The following ENPEP variants were observed in gnomAD, a reference collection of about 807,000 sequenced individuals.
ENPEP encodes glutamyl aminopeptidase, also known as AP-A.
A neutral mutation model predicts 114.5 loss-of-function variants in ENPEP; 103 were observed. The observed-to-expected ratio is 0.90, with a 90% CI of 0.77 to 1.06. The LOEUF is 1.06. Ranked by LOEUF, ENPEP falls within the 50% of genes least tolerant of loss-of-function variation. ENPEP has a pLI of 0.00. For synonymous variants in ENPEP, 420 were observed against 422.0 expected, an observed-to-expected ratio of 1.00 and a Z score of 0.06; for missense variants, 1,196 against 1,161.3, an observed-to-expected ratio of 1.03 and a Z score of -0.43.
chr4:110,520,256 C>T lies in ENPEP; in HGVS notation c.1617C>T (p.Thr539=), dbSNP rs1433528201. The part of the protein sequence containing the change: ...LPVKEVMDTW[T]RQMGYPVLNV... ...TGAAAGAAGTAATGGACACCTGGAC[C>T]AGACAGATGGGTTATCCTGTGCTTA... Residue 539 remains threonine, a synonymous_variant, in exon 10 of 20, where the codon ACC becomes ACT. Transcript: ENST00000265162. The T allele has an allele frequency of 6.2e-7, 1 of 1,613,972 alleles. No homozygotes were observed. The highest frequency in any genetic ancestry group is 8.5e-7 in the Non-Finnish European group (1 of 1,179,922).
At chr4:110,521,603 A>T (rs1725992683) in intron 10 of ENPEP, among the ~76,000 whole-genome samples, 1 of 152,022 alleles carries the variant, frequency 6.6e-6, no homozygotes. Flanking sequence ...TAAGATGCAT[A>T]ATTAAGGAAA....
intron 19 of ENPEP, among the ~76,000 whole-genome samples, chr4:110,560,224 GA>G (rs1480691691): frequency 6.6e-6 from 1 of 152,110 alleles, no homozygotes; most frequent in African/African-American, 2.4e-5. Context: ...CCAAGTCTTT[GA>G]TATTGTAAAC....
At chr4:110,496,406 A>G (rs1026549657) in intron 3 of ENPEP, among the ~76,000 whole-genome samples, 4 of 152,226 alleles carry the variant, frequency 2.6e-5, no homozygotes, top group Admixed American at 6.5e-5. Context: ...AAGACACAAG[A>G]GTCTCCATGT....
chr4:110,534,015 A>G (rs1326592552), intron 11 of ENPEP, among the ~76,000 whole-genome samples: 1 of 152,196 alleles, frequency 6.6e-6, no homozygotes, highest in Non-Finnish European at 1.5e-5. Flanking sequence ...TTTCTACTTC[A>G]AAGTGTCTGC....
intron 11 of ENPEP, among the ~76,000 whole-genome samples, chr4:110,532,378 T>G (rs1726439947): frequency 2.0e-5 from 3 of 152,234 alleles, no homozygotes; most frequent in Non-Finnish European, 4.4e-5. Context: ...ATTTTGTGAC[T>G]TTTCAATTAG....
intron 6 of ENPEP, among the ~76,000 whole-genome samples, chr4:110,510,870 C>A (rs1489637024): frequency 3.3e-5 from 5 of 152,154 alleles, no homozygotes; most frequent in Admixed American, 6.5e-5. Context: ...TACATAATAT[C>A]TGAGTCCATT....
At chr4:110,548,570 G>A (rs186360162) in intron 14 of ENPEP, among the ~76,000 whole-genome samples, 1 of 151,942 alleles carries the variant, frequency 6.6e-6, no homozygotes, top group Non-Finnish European at 1.5e-5. Context: ...AGTGTTAGAA[G>A]AAATACAACA....
At chr4:110,530,871 A>G (rs985818390) in intron 10 of ENPEP, among the ~76,000 whole-genome samples, 1 of 152,228 alleles carries the variant, frequency 6.6e-6, no homozygotes. Flanking sequence ...TGAATGTTCA[A>G]TATTATAATA....
chr4:110,477,027 A>G lies in ENPEP; in HGVS notation c.613A>G (p.Arg205Gly), dbSNP rs551997283. The G allele has an allele frequency of 2.5e-6, 4 of 1,614,188 alleles. No individual in the cohort carries two copies. The South Asian group carries it at 4.4e-5, about 18-fold the overall frequency. The change falls in exon 1 of 20, where the codon AGA (arginine) becomes GGA (glycine). Residue 205 changes from arginine (R) to glycine (G), a missense_variant. Transcript: ENST00000265162. The stretch of plus-strand genomic sequence containing the variant: ...GAACGGCTCCCTCGTGGGATTTTAT[A>G]GAACCACCTACACGGAGAACGGACA... ...WLNGSLVGFY[R>G]TTYTENGQVK...
At chr4:110,499,124 A>G (rs1725056329) in intron 3 of ENPEP, among the ~76,000 whole-genome samples, 1 of 152,176 alleles carries the variant, frequency 6.6e-6, no homozygotes, top group Non-Finnish European at 1.5e-5. Context: ...CTTACTGGCA[A>G]TGTGGACACC....
At chr4:110,545,825 A>G (rs1198568394) in intron 13 of ENPEP, among the ~76,000 whole-genome samples, 2 of 151,950 alleles carry the variant, frequency 1.3e-5, no homozygotes, top group African/African-American at 4.8e-5. Context: ...GTTGTCATGT[A>G]TGCTTTGTCC....
chr4:110,509,633 G>T lies in ENPEP; in HGVS notation c.1040-20G>T. On this transcript the variant is annotated intron_variant, in intron 4 of 19. Coordinates refer to ENST00000265162, the MANE Select transcript of ENPEP (RefSeq NM_001977.4). ...AATGGAAAGAATGTATTTCTCACTG[G>T]ACTCTTTCTTCTTCTATAGATAAAA... 6.2e-7 allele frequency: 1 copy of T among 1,603,308 alleles called. No homozygotes were observed. The highest frequency in any genetic ancestry group is 1.3e-5 in the African/African-American group (1 of 74,496).
chr4:110,490,886 A>G, intron 2 of ENPEP, 147 bp from the exon 3 acceptor site: 2 of 827,240 alleles, frequency 2.4e-6, no homozygotes, highest in East Asian at 2.6e-5. Context: ...TAGTCTTTTC[A>G]ACATCACCAC....
chr4:110,531,834 G>T (rs1044674128), intron 11 of ENPEP, among the ~76,000 whole-genome samples: 1 of 152,070 alleles, frequency 6.6e-6, no homozygotes, highest in African/African-American at 2.4e-5. Context: ...ATCTTGGAAA[G>T]AATCCTTCTT....
At chr4:110,502,487 A>G (rs1725200635) in intron 3 of ENPEP, among the ~76,000 whole-genome samples, 1 of 152,212 alleles carries the variant, frequency 6.6e-6, no homozygotes, top group African/African-American at 2.4e-5. Flanking sequence ...AATCTTCTGC[A>G]TACGGCTAGT....
chr4:110,551,833 C>T (rs1049605963), intron 17 of ENPEP, among the ~76,000 whole-genome samples: 1 of 152,140 alleles, frequency 6.6e-6, no homozygotes, highest in African/African-American at 2.4e-5. Flanking sequence ...GGTCCTTCTG[C>T]ACAGGGAGAC....
At chr4:110,545,147 A>G (rs1192654266) in intron 13 of ENPEP, among the ~76,000 whole-genome samples, 2 of 152,106 alleles carry the variant, frequency 1.3e-5, no homozygotes, top group Non-Finnish European at 2.9e-5. Context: ...TAAATAGGTG[A>G]GCAACTGTGG....
intron 1 of ENPEP, among the ~76,000 whole-genome samples, chr4:110,486,634 A>G (rs1724511139): frequency 6.6e-6 from 1 of 151,938 alleles, no homozygotes; most frequent in Non-Finnish European, 1.5e-5. Flanking sequence ...TGTCTCTTCC[A>G]GTGTTTTATT....
chr4:110,526,103 C>G (rs9993086), intron 10 of ENPEP, among the ~76,000 whole-genome samples: 45,296 of 151,798 alleles, frequency 0.3, 7,086 homozygotes, highest in Non-Finnish European at 0.34. Flanking sequence ...TGATGAAACC[C>G]CATCTCTACT....
Sources: allele counts gnomAD v4.1 joint callset (sites outside exome capture counted in the v4.1 genomes callset), GRCh38; gene constraint gnomAD v4.1.1; transcripts MANE v1.5; gene names NCBI Gene and HGNC (gene_info 2026-07-23, HGNC 2026-07-21).